Variants in LRRC4C observed in about 807,000 individuals in gnomAD.
The protein encoded by LRRC4C is leucine-rich repeat-containing protein 4C.
In LRRC4C, 5 loss-of-function variants were observed where a neutral mutation model predicts 33.6. The ratio of observed to expected loss-of-function variants is 0.15; its 90% confidence interval spans 0.08 to 0.31. LRRC4C has a LOEUF of 0.31. LRRC4C is among the 10% of genes least tolerant of loss of function. LRRC4C has a pLI of 1.00. For missense variants in LRRC4C, 560 were observed against 796.7 expected (o/e 0.70, Z 3.58); for synonymous variants, 329 against 302.0 (o/e 1.09, Z -0.93).
intron 3 of LRRC4C, among the ~76,000 whole-genome samples, chr11:40,338,432 G>T (rs1201178966): frequency 6.6e-6 from 1 of 152,152 alleles, no homozygotes; most frequent in Non-Finnish European, 1.5e-5. Context: ...GACTACAGAA[G>T]TCTTTCCTCT....
rs558724761 is a variant in LRRC4C, at chr11:40,217,154, TTTAA to T, written c.-96+24361_-96+24364del. Among the ~76,000 whole-genome samples, 16 of 152,248 alleles carry T rather than the reference TTTAA, an allele frequency of 1.1e-4. No homozygotes were observed. In the South Asian group the frequency reaches 2.9e-3, roughly 28 times the overall value. ...TTTTATCTATGTACATATGCAGACC[TTTAA>T]TTAATAAGCGTTAATATGTATAGAG... On this transcript the variant is annotated intron_variant, in intron 5 of 6. Transcript: ENST00000528697.
At chr11:40,796,018 T>C (rs1259063199) in intron 2 of LRRC4C, among the ~76,000 whole-genome samples, 1 of 152,164 alleles carries the variant, frequency 6.6e-6, no homozygotes, top group Non-Finnish European at 1.5e-5. Context: ...ACTCTGATCA[T>C]AGAATGAAAA....
chr11:41,143,707 T>A (rs1462646538), intron 1 of LRRC4C, among the ~76,000 whole-genome samples: 1 of 152,174 alleles, frequency 6.6e-6, no homozygotes, highest in Non-Finnish European at 1.5e-5. Context: ...TTAGTCTGAA[T>A]CCCATCCCAG....
intron 3 of LRRC4C, among the ~76,000 whole-genome samples, chr11:40,529,400 A>G (rs570289266): frequency 6.6e-6 from 1 of 152,122 alleles, no homozygotes; most frequent in African/African-American, 2.4e-5. Context: ...AAATTTCAAC[A>G]GTGAATGACA....
At chr11:41,023,036 T>C (rs1362637037) in intron 1 of LRRC4C, among the ~76,000 whole-genome samples, 2 of 151,896 alleles carry the variant, frequency 1.3e-5, no homozygotes, top group East Asian at 1.9e-4. Flanking sequence ...ATCTTAACTC[T>C]ACATTCTAGC....
At chr11:41,222,171 T>TA (rs2136392848) in intron 1 of LRRC4C, among the ~76,000 whole-genome samples, 1 of 152,344 alleles carries the variant, frequency 6.6e-6, no homozygotes, top group East Asian at 1.9e-4. Flanking sequence ...ATTACGATTC[T>TA]ACTTGAAATG....
At chr11:40,929,730 T>C (rs966922625) in intron 2 of LRRC4C, among the ~76,000 whole-genome samples, 1 of 152,174 alleles carries the variant, frequency 6.6e-6, no homozygotes, top group Non-Finnish European at 1.5e-5. Flanking sequence ...TTCTCCTGCC[T>C]CAGCCTCCCG....
rs139423733 is a variant in LRRC4C at position 40,642,395 on chromosome 11, A to C, written c.-270+5747T>G. Among the ~76,000 whole-genome samples, 632 of 152,296 alleles carry C rather than the reference A, an allele frequency of 4.1e-3. 2 individuals are homozygous for C. Among genetic ancestry groups the C allele is most frequent in the Middle Eastern group, 0.017 (5 of 294 alleles). On this transcript the variant is annotated intron_variant, in intron 3 of 6. Coordinates refer to ENST00000528697, the MANE Select transcript of LRRC4C (RefSeq NM_001258419.2). ...CTGTAGAAGTTTTGGAAGACATAAA[A>C]CAGATTACTTCCCATCAGCTGAATG...
intron 1 of LRRC4C, among the ~76,000 whole-genome samples, chr11:41,274,956 A>G (rs928952270): frequency 6.6e-6 from 1 of 152,066 alleles, no homozygotes; most frequent in African/African-American, 2.4e-5. Flanking sequence ...TGGGAGATGT[A>G]TGGGTCATGG....
intron 3 of LRRC4C, among the ~76,000 whole-genome samples, chr11:40,525,568 T>C (rs751171519): frequency 6.6e-6 from 1 of 151,866 alleles, no homozygotes; most frequent in Non-Finnish European, 1.5e-5. Flanking sequence ...AAGAAAAAAA[T>C]CTCTATTCTC....
intron 5 of LRRC4C, among the ~76,000 whole-genome samples, chr11:40,231,805 G>A (rs1213270816): frequency 6.6e-6 from 1 of 152,100 alleles, no homozygotes; most frequent in Non-Finnish European, 1.5e-5. Context: ...GAACATATTT[G>A]CATGCACAGA....
chr11:40,456,304 T>C (rs1281654720), intron 3 of LRRC4C, among the ~76,000 whole-genome samples: 2 of 152,314 alleles, frequency 1.3e-5, no homozygotes, highest in East Asian at 3.9e-4. Context: ...ATTTATTAAA[T>C]GCCACAATGC....
At chr11:40,956,211 A>G (rs1958947183) in intron 1 of LRRC4C, among the ~76,000 whole-genome samples, 1 of 151,780 alleles carries the variant, frequency 6.6e-6, no homozygotes, top group Non-Finnish European at 1.5e-5. Flanking sequence ...AGCAAACTCA[A>G]TAGCCCTCTA....
At chr11:41,112,978 T>C (rs1369600834) in intron 1 of LRRC4C, among the ~76,000 whole-genome samples, 1 of 152,092 alleles carries the variant, frequency 6.6e-6, no homozygotes, top group Non-Finnish European at 1.5e-5. Flanking sequence ...GGTTAAAGGA[T>C]ACAAACACAG....
intron 3 of LRRC4C, among the ~76,000 whole-genome samples, chr11:40,489,169 C>A (rs1487133240): frequency 1.3e-5 from 2 of 152,054 alleles, no homozygotes; most frequent in African/African-American, 4.8e-5. Context: ...AGTCCAGGTT[C>A]TTGTAATTTT....
At chr11:41,320,759 G>A (rs571137557) in intron 1 of LRRC4C, among the ~76,000 whole-genome samples, 2 of 152,220 alleles carry the variant, frequency 1.3e-5, no homozygotes, top group East Asian at 1.9e-4. Flanking sequence ...GACCAGCATC[G>A]TTAAACTTGG....
chr11:41,274,923 C>A (rs1242295356), intron 1 of LRRC4C, among the ~76,000 whole-genome samples: 2 of 152,020 alleles, frequency 1.3e-5, no homozygotes, highest in African/African-American at 4.8e-5. Context: ...AATGTGATTC[C>A]CAGTGTTGGA....
At chr11:40,307,349 ATAATC>A (rs1945091475) in intron 4 of LRRC4C, among the ~76,000 whole-genome samples, 1 of 152,192 alleles carries the variant, frequency 6.6e-6, no homozygotes, top group Non-Finnish European at 1.5e-5. Context: ...ATTCCCCAGC[ATAATC>A]AATAGAATTG....
At chr11:41,045,591 A>T (rs1857725214) in intron 1 of LRRC4C, among the ~76,000 whole-genome samples, 1 of 152,096 alleles carries the variant, frequency 6.6e-6, no homozygotes, top group Admixed American at 6.6e-5. Context: ...AACATATGAG[A>T]TAAGGTCCGT....
Sources: gnomAD v4.1 joint callset for allele counts (sites outside exome capture counted in the v4.1 genomes callset) on GRCh38, gnomAD v4.1.1 for gene constraint, MANE v1.5 for transcripts, NCBI Gene and HGNC (gene_info 2026-07-23, HGNC 2026-07-21) for gene names.